TCF12: variants seen among roughly 807,000 people sequenced by gnomAD.
TCF12 encodes the protein DNA-binding protein HTF4.
A neutral mutation model predicts 86.0 loss-of-function variants in TCF12; 45 were observed. That is an observed-to-expected ratio of 0.52 (90% CI 0.41 to 0.67). The LOEUF (loss-of-function observed/expected upper bound fraction) is 0.67, where lower values mean the gene tolerates loss of function less well. Ranked by LOEUF, TCF12 falls within the 30% of genes least tolerant of loss-of-function variation. The pLI is 0.00. For synonymous variants in TCF12, 330 were observed against 299.6 expected (o/e 1.10, Z -1.05); for missense variants, 881 against 859.9 (o/e 1.02, Z -0.31).
Position 57,160,656 on chromosome 15 carries a change from A to G in TCF12, c.326-5746A>G, listed in dbSNP as rs117744935. On this transcript the variant is annotated intron_variant, in intron 5 of 20. Coordinates refer to ENST00000333725, the MANE Select transcript of TCF12 (RefSeq NM_207037.2). ...TAAGCTTTTTCATTGTTTGGCACCT[A>G]TTGAGGGTAGAGCTTGTGGGGGTTT... Among the ~76,000 whole-genome samples, 1,340 of 152,078 alleles carry G rather than the reference A, an allele frequency of 8.8e-3. 66 individuals are homozygous for G. The East Asian group carries it at 0.15, about 17-fold the overall frequency.
intron 5 of TCF12, among the ~76,000 whole-genome samples, chr15:57,144,018 A>G (rs1248318057): frequency 6.6e-6 from 1 of 152,210 alleles, no homozygotes; most frequent in African/African-American, 2.4e-5. Context: ...TGCCTTCAGC[A>G]CAAAATAATT....
chr15:57,282,059 G>A (rs1371477157), intron 19 of TCF12: 1 of 262,342 alleles, frequency 3.8e-6, no homozygotes, highest in Non-Finnish European at 7.3e-6. Flanking sequence ...TAAAGCACAG[G>A]TGTCTCTCTC....
intron 8 of TCF12, among the ~76,000 whole-genome samples, chr15:57,203,136 T>C (rs1457344471): frequency 6.6e-6 from 1 of 152,242 alleles, no homozygotes; most frequent in Non-Finnish European, 1.5e-5. Flanking sequence ...TTTTGTTGTT[T>C]AGAAAGCATT....
chr15:57,252,902 G>T (rs958231364), intron 15 of TCF12, among the ~76,000 whole-genome samples: 2 of 145,340 alleles, frequency 1.4e-5, no homozygotes, highest in Non-Finnish European at 3.0e-5. Context: ...ATCATTCAAA[G>T]ATCAGTATTA....
At chr15:57,202,813 G>T (rs1269445780) in intron 8 of TCF12, among the ~76,000 whole-genome samples, 2 of 151,994 alleles carry the variant, frequency 1.3e-5, no homozygotes, top group Non-Finnish European at 2.9e-5. Flanking sequence ...TTTGTAAAAG[G>T]GGATGATAAT....
chr15:57,272,237 C>T (rs1480087136), intron 18 of TCF12, among the ~76,000 whole-genome samples: 1 of 152,216 alleles, frequency 6.6e-6, no homozygotes, highest in Non-Finnish European at 1.5e-5. Context: ...TCTCCCTTTA[C>T]ATAAATTTCT....
At position 57,166,339 on chromosome 15, in the gene TCF12, G is replaced by C; in HGVS notation, c.326-63G>C. On this transcript the variant is annotated intron_variant, in intron 5 of 20. Transcript: ENST00000333725. ...CAATATAATTACCATGAATAGTCTA[G>C]CAGTTTGATTGTCTGTCAATAAATG... 5 of 1,323,452 alleles carry C rather than the reference G, an allele frequency of 3.8e-6. No individual in the cohort carries two copies. The South Asian group carries it at 6.5e-5, about 17-fold the overall frequency. 82.0% of individuals were successfully genotyped at this position (1,323,452 alleles called of 1,614,324 possible).
chr15:57,146,414 A>C (rs2053366949), intron 5 of TCF12, among the ~76,000 whole-genome samples: 1 of 152,196 alleles, frequency 6.6e-6, no homozygotes, highest in Non-Finnish European at 1.5e-5. Context: ...TTCATGTAAA[A>C]ATCACTTATA....
At chr15:57,059,985 A>T (rs531461801) in intron 3 of TCF12, among the ~76,000 whole-genome samples, 59 of 152,288 alleles carry the variant, frequency 3.9e-4, no homozygotes, top group African/African-American at 1.4e-3. Context: ...GGAGTAGAGC[A>T]TAAGAAGGTA....
At chr15:57,057,204 A>G (rs2068096716) in intron 3 of TCF12, among the ~76,000 whole-genome samples, 1 of 152,156 alleles carries the variant, frequency 6.6e-6, no homozygotes, top group Non-Finnish European at 1.5e-5. Context: ...TCAGCCAAAG[A>G]TGTGGGCAGA....
At chr15:57,163,519 A>G (rs912467859) in intron 5 of TCF12, among the ~76,000 whole-genome samples, 2 of 151,930 alleles carry the variant, frequency 1.3e-5, no homozygotes, top group Admixed American at 1.3e-4. Context: ...AGGCCATACT[A>G]TGAGACCCTG....
At chr15:57,284,598 G>A (rs2061852313) in intron 20 of TCF12, among the ~76,000 whole-genome samples, 1 of 152,246 alleles carries the variant, frequency 6.6e-6, no homozygotes, top group Non-Finnish European at 1.5e-5. Context: ...TTATTTCAAA[G>A]AAGAGTGATG....
At chr15:57,131,215 T>C (rs1206973881) in intron 5 of TCF12, among the ~76,000 whole-genome samples, 4 of 152,220 alleles carry the variant, frequency 2.6e-5, no homozygotes, top group African/African-American at 7.2e-5. Flanking sequence ...TTAACAGCTT[T>C]GAATGCTGTT....
chr15:57,012,066 C>G (rs1231671459), intron 3 of TCF12, among the ~76,000 whole-genome samples: 79 of 152,226 alleles, frequency 5.2e-4, no homozygotes, highest in Non-Finnish European at 8.8e-5. Flanking sequence ...ACAGCATTTT[C>G]TTCTTAAGCA....
At chr15:57,137,323 A>G (rs1451686062) in intron 5 of TCF12, among the ~76,000 whole-genome samples, 7 of 152,194 alleles carry the variant, frequency 4.6e-5, no homozygotes, top group Admixed American at 4.6e-4. Flanking sequence ...TTGCTTATAA[A>G]TAAAACACAT....
At chr15:57,075,834 CTTTTCT>C (rs1428395632) in intron 4 of TCF12, among the ~76,000 whole-genome samples, 5 of 48,902 alleles carry the variant, frequency 1.0e-4, no homozygotes, top group African/African-American at 3.6e-4. Context: ...CTCTCTCTCT[CTTTTCT>C]TTCTTTCTTT....
intron 6 of TCF12, among the ~76,000 whole-genome samples, chr15:57,179,530 A>G (rs1371114720): frequency 6.6e-6 from 1 of 151,262 alleles, no homozygotes; most frequent in African/African-American, 2.5e-5. Flanking sequence ...ACTCCATCTC[A>G]AAAGAAATTT....
At chr15:57,206,883 A>G (rs1372425296) in intron 8 of TCF12, among the ~76,000 whole-genome samples, 2 of 150,500 alleles carry the variant, frequency 1.3e-5, no homozygotes, top group Non-Finnish European at 3.0e-5. Context: ...TTGAGCCTAG[A>G]AGTTCAAGAC....
At chr15:57,119,579 T>G (rs1006993076) in intron 5 of TCF12, among the ~76,000 whole-genome samples, 25 of 151,516 alleles carry the variant, frequency 1.6e-4, no homozygotes, top group African/African-American at 5.8e-4. Context: ...TTCATCCTTG[T>G]GTTATTTGGA....
Sources: gnomAD v4.1 joint callset for allele counts (sites outside exome capture counted in the v4.1 genomes callset) on GRCh38, gnomAD v4.1.1 for gene constraint, MANE v1.5 for transcripts, NCBI Gene and HGNC (gene_info 2026-07-23, HGNC 2026-07-21) for gene names.